The following FUT9 variants were observed in gnomAD, a reference collection of about 807,000 sequenced individuals.
The protein encoded by FUT9 is fucosyltransferase 9.
In FUT9, 15 loss-of-function variants were observed where a neutral mutation model predicts 29.7. That is an observed-to-expected ratio of 0.51 (90% CI 0.34 to 0.78). The LOEUF (loss-of-function observed/expected upper bound fraction) is 0.78. FUT9 is among the 30% of genes least tolerant of loss of function. The pLI, the probability that FUT9 is intolerant of heterozygous loss-of-function variation, is 0.01. For missense variants in FUT9, 319 were observed against 425.4 expected (o/e 0.75, Z 2.20); for synonymous variants, 169 against 153.7 (o/e 1.10, Z -0.74).
intron 2 of FUT9, among the ~76,000 whole-genome samples, chr6:96,164,738 T>C (rs761444251): frequency 2.3e-4 from 35 of 152,126 alleles, no homozygotes; most frequent in Non-Finnish European, 4.4e-4. Context: ...TGAACTCGTG[T>C]TTCTGGTTTA....
intron 2 of FUT9, among the ~76,000 whole-genome samples, chr6:96,148,139 C>A (rs1027290426): frequency 2.6e-5 from 4 of 152,118 alleles, no homozygotes; most frequent in African/African-American, 9.7e-5. Context: ...TCTCACAAAG[C>A]TGATGGTGAC....
Position 96,204,314 on chromosome 6 carries a change from A to G in FUT9, c.*79A>G. ...TATTGAGGATAAGAAGAGATGCAAC[A>G]TACTACTTTTGTGTCACAATTTATT... On this transcript the variant is annotated 3_prime_UTR_variant, in exon 3 of 3. Transcript: ENST00000302103. 2.0e-6 allele frequency: 2 copies of G among 993,418 alleles called. No homozygotes were observed. Among genetic ancestry groups the G allele is most frequent in the Middle Eastern group, 3.3e-4 (1 of 3,056 alleles). The allele number at this position is 993,418 out of a possible 1,614,324, so 61.5% of individuals were successfully genotyped here.
intron 1 of FUT9, among the ~76,000 whole-genome samples, chr6:96,087,644 C>G (rs571910950): frequency 1.3e-5 from 2 of 152,108 alleles, no homozygotes; most frequent in Non-Finnish European, 2.9e-5. Context: ...GAATTACATG[C>G]GTGAGCCACC....
rs199543343 is a variant in FUT9, at chr6:96,180,530, TATA to T, written c.-8-22612_-8-22610del. Among the ~76,000 whole-genome samples the T allele has an allele frequency of 7.6e-3, 1,157 of 152,230 alleles. 4 individuals are homozygous for T. The highest frequency in any genetic ancestry group is 0.011 in the South Asian group (52 of 4,826). On this transcript the variant is annotated intron_variant, in intron 2 of 2. Transcript: ENST00000302103. Reference sequence around the variant, plus strand: ...GTTTTATTATTATTTTTAATTAACATATAATAATGTACATATTTATGGAGTACA... The same window carrying T: ...GTTTTATTATTATTTTTAATTAACATATAATGTACATATTTATGGAGTACA...
At chr6:96,023,791 T>C (rs990834740) in intron 1 of FUT9, among the ~76,000 whole-genome samples, 3 of 151,904 alleles carry the variant, frequency 2.0e-5, no homozygotes, top group African/African-American at 7.2e-5. Context: ...AAACACTGCA[T>C]CTCTTAGCAC....
intron 2 of FUT9, among the ~76,000 whole-genome samples, chr6:96,200,160 A>G (rs1773702740): frequency 6.6e-6 from 1 of 152,116 alleles, no homozygotes; most frequent in Admixed American, 6.6e-5. Context: ...GTGTGTGTGT[A>G]TAAGTTAATA....
intron 1 of FUT9, among the ~76,000 whole-genome samples, chr6:96,084,410 T>A (rs1018670939): frequency 6.6e-6 from 1 of 152,082 alleles, no homozygotes; most frequent in Non-Finnish European, 1.5e-5. Flanking sequence ...CAGTTTTCAA[T>A]TTTGTCCCAA....
chr6:96,063,322 C>T (rs1232836753), intron 1 of FUT9, among the ~76,000 whole-genome samples: 1 of 152,128 alleles, frequency 6.6e-6, no homozygotes, highest in Non-Finnish European at 1.5e-5. Flanking sequence ...CCAACATCTG[C>T]TCAGCTTCTG....
chr6:96,095,757 A>G (rs1247083262), intron 1 of FUT9, among the ~76,000 whole-genome samples: 1 of 152,116 alleles, frequency 6.6e-6, no homozygotes, highest in East Asian at 1.9e-4. Flanking sequence ...TATGGCTAAG[A>G]GGACAGACCT....
In FUT9 at chr6:96,083,517, T is replaced by A. The variant is rs78497089; in HGVS notation, c.-97-30522T>A. Among the ~76,000 whole-genome samples the A allele has an allele frequency of 7.0e-3, 1,073 of 152,206 alleles. 13 individuals carry two copies. The highest frequency in any genetic ancestry group is 0.025 in the African/African-American group (1,022 of 41,552). On this transcript the variant is annotated intron_variant, in intron 1 of 2. Transcript: ENST00000302103. ...GATCACAGGTCACCTAGTTCTACCT[T>A]TCATCCAATGTTCTAGCCTCTCTAT...
chr6:96,170,962 C>T (rs748070187), intron 2 of FUT9, among the ~76,000 whole-genome samples: 2 of 151,834 alleles, frequency 1.3e-5, no homozygotes, highest in Non-Finnish European at 2.9e-5. Flanking sequence ...CTTTTTTCCC[C>T]CTTTCTTTCC....
intron 2 of FUT9, among the ~76,000 whole-genome samples, chr6:96,198,179 CATATGTATA>C (rs1180702783): frequency 6.6e-6 from 1 of 151,678 alleles, no homozygotes; most frequent in Non-Finnish European, 1.5e-5. Flanking sequence ...AGGTTAGTTA[CATATGTATA>C]CATGTGCCAT....
chr6:96,040,073 G>A (rs766724642), intron 1 of FUT9, among the ~76,000 whole-genome samples: 6 of 151,782 alleles, frequency 4.0e-5, no homozygotes, highest in Non-Finnish European at 5.9e-5. Context: ...ATCATACCAT[G>A]TATGTGACCT....
chr6:96,110,232 A>C (rs1265695406), intron 1 of FUT9, among the ~76,000 whole-genome samples: 2 of 152,088 alleles, frequency 1.3e-5, no homozygotes, highest in African/African-American at 2.4e-5. Flanking sequence ...CAGATTCCTC[A>C]GAGTCTCTAC....
At chr6:96,121,576 T>A (rs1357582147) in intron 2 of FUT9, among the ~76,000 whole-genome samples, 1 of 152,214 alleles carries the variant, frequency 6.6e-6, no homozygotes, top group Non-Finnish European at 1.5e-5. Context: ...TGGGCTTTCT[T>A]GCTATCCTTA....
At chr6:96,079,573 G>A (rs1771201112) in intron 1 of FUT9, among the ~76,000 whole-genome samples, 2 of 152,078 alleles carry the variant, frequency 1.3e-5, no homozygotes, top group Non-Finnish European at 2.9e-5. Flanking sequence ...CATTTTTAAT[G>A]GAATATTGTT....
chr6:96,157,179 T>C (rs999475085), intron 2 of FUT9, among the ~76,000 whole-genome samples: 1 of 152,204 alleles, frequency 6.6e-6, no homozygotes, highest in Admixed American at 6.5e-5. Context: ...TCTTATATTC[T>C]TTGAGTCTAT....
intron 1 of FUT9, chr6:96,020,910 A>G (rs1372589189): frequency 1.3e-5 from 2 of 152,084 alleles, no homozygotes; most frequent in African/African-American, 2.4e-5. Flanking sequence ...TTGGAGTGCA[A>G]TTCAGCCTCT....
chr6:96,088,567 T>TGTGTGC (rs1218702133), intron 1 of FUT9, among the ~76,000 whole-genome samples: 3 of 129,674 alleles, frequency 2.3e-5, no homozygotes, highest in African/African-American at 8.2e-5. Flanking sequence ...TGTGTGTGTG[T>TGTGTGC]GCGTGCGCGC....
Sources: gnomAD v4.1 joint callset for allele counts (sites outside exome capture counted in the v4.1 genomes callset) on GRCh38, gnomAD v4.1.1 for gene constraint, MANE v1.5 for transcripts, NCBI Gene and HGNC (gene_info 2026-07-23, HGNC 2026-07-21) for gene names.